The following ZNF469 variants were observed in gnomAD, a reference collection of about 807,000 sequenced individuals.
ZNF469 encodes the protein zinc finger protein 469.
In ZNF469, 1 loss-of-function variant was observed where a neutral mutation model predicts 1.0. The ratio of observed to expected loss-of-function variants is 1.00; its 90% CI spans 0.35 to 4.73. ZNF469 has a LOEUF of 4.73. ZNF469 is among the 30% of genes most tolerant of loss of function. The pLI is 0.16. For missense variants in ZNF469, 6,100 were observed against 5,356.3 expected, an observed-to-expected ratio of 1.14 and a Z score of -4.33; for synonymous variants, 2,703 against 2,363.4, an observed-to-expected ratio of 1.14 and a Z score of -4.17.
At chr16:88,183,273 C>T in the ZNF469 span, among the ~76,000 whole-genome samples, 2 of 152,254 alleles carry the variant, frequency 1.3e-5, no homozygotes, top group African/African-American at 2.4e-5. Flanking sequence ...ATGAGTTGAA[C>T]GTACCCTTAA....
chr16:88,396,060 C>T (rs1050047950), intron 1 of ZNF469, among the ~76,000 whole-genome samples: 2 of 152,258 alleles, frequency 1.3e-5, no homozygotes, highest in African/African-American at 4.8e-5. Context: ...CGTGTATCCA[C>T]TCCACGTCCC....
the ZNF469 span, among the ~76,000 whole-genome samples, chr16:88,163,547 T>G: frequency 5.0e-3 from 752 of 149,082 alleles, 10 homozygotes; most frequent in African/African-American, 0.018. Context: ...GATTGGTAAG[T>G]GGGCAGATGA....
chr16:88,282,174 T>C, the ZNF469 span, among the ~76,000 whole-genome samples: 3 of 152,108 alleles, frequency 2.0e-5, no homozygotes, highest in African/African-American at 7.2e-5. Flanking sequence ...AGAAACACCT[T>C]TGGGCAGGAA....
the ZNF469 span, among the ~76,000 whole-genome samples, chr16:88,349,061 C>T: frequency 2.6e-5 from 4 of 152,172 alleles, no homozygotes; most frequent in South Asian, 2.1e-4. Flanking sequence ...TCGCTTTACT[C>T]GGAAAGATCC....
chr16:88,108,164 T>C, the ZNF469 span, among the ~76,000 whole-genome samples: 1 of 143,738 alleles, frequency 7.0e-6, no homozygotes, highest in African/African-American at 2.8e-5. Context: ...GGTCCACGTC[T>C]GTGGGGATGT....
At chr16:88,258,420 ACCC>A in the ZNF469 span, among the ~76,000 whole-genome samples, 2 of 34,238 alleles carry the variant, frequency 5.8e-5, no homozygotes, top group African/African-American at 2.2e-4. Context: ...TCACCCCCCC[ACCC>A]CCCCAGCTTA....
the ZNF469 span, among the ~76,000 whole-genome samples, chr16:88,221,928 A>T: frequency 5.9e-5 from 9 of 152,182 alleles, no homozygotes; most frequent in Non-Finnish European, 8.8e-5. Flanking sequence ...ACTTCAGAAC[A>T]ATCTCATCGC....
chr16:88,240,462 C>G, the ZNF469 span, among the ~76,000 whole-genome samples: 1 of 152,184 alleles, frequency 6.6e-6, no homozygotes, highest in African/African-American at 2.4e-5. Context: ...TGTATGGGAT[C>G]GGTCACGGGC....
At chr16:88,339,133 C>T in the ZNF469 span, among the ~76,000 whole-genome samples, 2 of 135,232 alleles carry the variant, frequency 1.5e-5, no homozygotes, top group African/African-American at 3.0e-5. Context: ...GCCACTGGAG[C>T]GAGAGTGGGA....
chr16:88,145,978 C>T, the ZNF469 span, among the ~76,000 whole-genome samples: 4 of 152,232 alleles, frequency 2.6e-5, no homozygotes, highest in South Asian at 2.1e-4. Context: ...CTCGCAGTCC[C>T]GTGTTGGGAG....
intron 1 of ZNF469, among the ~76,000 whole-genome samples, chr16:88,413,690 T>A (rs1905235119): frequency 1.3e-5 from 2 of 152,136 alleles, no homozygotes; most frequent in Admixed American, 1.3e-4. Flanking sequence ...TTTTCTCAGC[T>A]CTGAAATGGG....
chr16:88,409,878 G>C (rs8045947), intron 1 of ZNF469, among the ~76,000 whole-genome samples: 18 of 143,046 alleles, frequency 1.3e-4, no homozygotes, highest in South Asian at 4.3e-4. Flanking sequence ...GGGGGGGGGG[G>C]GGGGGGCGCG....
At chr16:88,124,918 CTT>C in the ZNF469 span, among the ~76,000 whole-genome samples, 1 of 152,236 alleles carries the variant, frequency 6.6e-6, no homozygotes, top group African/African-American at 2.4e-5. Context: ...ATTTATCAGT[CTT>C]TTTAAAATAC....
the ZNF469 span, among the ~76,000 whole-genome samples, chr16:88,314,493 G>A: frequency 3.0e-5 from 4 of 131,914 alleles, no homozygotes; most frequent in African/African-American, 1.2e-4. Context: ...GGTGTGGGCT[G>A]TCTCTGTAAT....
the ZNF469 span, among the ~76,000 whole-genome samples, chr16:88,224,487 C>T: frequency 1.3e-5 from 2 of 152,200 alleles, no homozygotes; most frequent in Admixed American, 1.3e-4. Context: ...AATACTTGGG[C>T]AGTACAGGAA....
chr16:88,115,177 T>C, the ZNF469 span, among the ~76,000 whole-genome samples: 1 of 152,148 alleles, frequency 6.6e-6, no homozygotes, highest in Non-Finnish European at 1.5e-5. Context: ...AAACTTAAAC[T>C]AAACCTTAGT....
chr16:88,168,353 T>C, the ZNF469 span, among the ~76,000 whole-genome samples: 8 of 152,268 alleles, frequency 5.3e-5, no homozygotes, highest in East Asian at 3.9e-4. This position sits in a 1 kb window ranked among gnomAD's most constrained non-coding sequence, Gnocchi z 4.3. Context: ...CTGGTTTTTT[T>C]CCCCACATAT....
the ZNF469 span, among the ~76,000 whole-genome samples, chr16:88,230,471 C>T: frequency 2.6e-5 from 4 of 152,174 alleles, no homozygotes; most frequent in Non-Finnish European, 4.4e-5. Context: ...TAACTGGGCT[C>T]TGAGCCTCTG....
Position 88,434,931 on chromosome 16 carries a change from G to C in ZNF469, c.7461G>C (p.Leu2487=). ...CAASFRSGPG[L]SRHKARKHRP... The stretch of plus-strand genomic sequence containing the variant: ...CCTCCTTCCGCTCCGGGCCGGGCCT[G>C]AGCCGGCACAAGGCCAGGAAGCACC... Residue 2487 remains leucine, a synonymous_variant, in exon 3 of 3, where the codon CTG becomes CTC. Transcript: ENST00000565624. 1 of 1,550,154 alleles carries C rather than the reference G, an allele frequency of 6.5e-7. No homozygotes were observed. Among genetic ancestry groups the C allele is most frequent in the Non-Finnish European group, 8.7e-7 (1 of 1,146,970 alleles).
Sources: gnomAD v4.1 joint callset for allele counts (sites outside exome capture counted in the v4.1 genomes callset) on GRCh38, gnomAD v4.1.1 for gene constraint, Gnocchi (gnomAD v3.1) non-coding constraint, MANE v1.5 for transcripts, NCBI Gene and HGNC (gene_info 2026-07-23, HGNC 2026-07-21) for gene names.